Variants in ASB5 observed in about 807,000 individuals in gnomAD.
ASB5 encodes ankyrin repeat and SOCS box containing 5.
Under a neutral mutation model 42.1 loss-of-function variants are expected in ASB5, and 45 were observed. The observed-to-expected ratio is 1.07, with a 90% confidence interval of 0.84 to 1.37. ASB5 has a LOEUF of 1.37. ASB5 is among the 40% of genes most tolerant of loss of function. The probability of loss-of-function intolerance (pLI) is 0.00; values close to 1 mark genes in which losing one functional copy is unlikely to be tolerated. For missense variants in ASB5, 402 were observed against 399.8 expected, an observed-to-expected ratio of 1.01 and a Z score of -0.05; for synonymous variants, 147 against 150.6, an observed-to-expected ratio of 0.98 and a Z score of 0.18.
chr4:176,224,703 C>CAA (rs11325256), intron 2 of ASB5, among the ~76,000 whole-genome samples: 1 of 150,494 alleles, frequency 6.6e-6, no homozygotes, highest in East Asian at 1.9e-4. Flanking sequence ...TCAGAAGCTT[C>CAA]AAAAAAAAAA....
intron 1 of ASB5, among the ~76,000 whole-genome samples, chr4:176,255,954 A>G (rs1447426428): frequency 6.6e-6 from 1 of 152,252 alleles, no homozygotes; most frequent in African/African-American, 2.4e-5. Flanking sequence ...CTATAATCTC[A>G]GAGAACAAAA....
chr4:176,241,615 A>G lies in ASB5; in HGVS notation c.197-16274T>C, dbSNP rs995198669. The G allele has an allele frequency of 2.8e-6, 4 of 1,403,512 alleles. No homozygotes were observed. The African/African-American group carries it at 5.8e-5, about 21-fold the overall frequency. 86.9% of individuals were successfully genotyped at this position (1,403,512 alleles called of 1,614,324 possible). A position where few individuals can be genotyped will look rare whatever the true frequency, so the allele number is the denominator to read the frequency against. ...CTGAGCCCAGTTCTTGCTCCATTTT[A>G]TTTTTTATTCTACTTTACTTAAACA... On this transcript the variant is annotated intron_variant, in intron 1 of 6. Coordinates refer to ENST00000296525, the MANE Select transcript of ASB5 (RefSeq NM_080874.4).
intron 1 of ASB5, among the ~76,000 whole-genome samples, chr4:176,237,896 C>G (rs974387721): frequency 6.6e-6 from 1 of 152,096 alleles, no homozygotes; most frequent in Non-Finnish European, 1.5e-5. Flanking sequence ...ACTAGGTTAG[C>G]CTTTCTCCTT....
At chr4:176,239,114 G>A (rs112210348) in intron 1 of ASB5, among the ~76,000 whole-genome samples, 1 of 152,092 alleles carries the variant, frequency 6.6e-6, no homozygotes, top group Non-Finnish European at 1.5e-5. Flanking sequence ...TATTTGTATG[G>A]GTGGCACATT....
rs59394156 is a variant in ASB5, at chr4:176,231,843, T to TCAAAACAAAACAAAA, written c.197-6517_197-6503dup. ...TTGGGCAACAGAGTGAGACTCTGTCTCAAAACAAAACAAAACAAATAAACA... is the reference window on the plus strand; with the variant it reads ...TTGGGCAACAGAGTGAGACTCTGTCTCAAAACAAAACAAAACAAAACAAAACAAAACAAATAAACA... On this transcript the variant is annotated intron_variant, in intron 1 of 6. Transcript: ENST00000296525. Among the ~76,000 whole-genome samples, 179 of 148,482 alleles carry TCAAAACAAAACAAAA rather than the reference T, an allele frequency of 1.2e-3. 1 individual carries two copies. The highest frequency in any genetic ancestry group is 2.6e-3 in the South Asian group (12 of 4,630).
chr4:176,234,564 T>C (rs1753636612), intron 1 of ASB5, among the ~76,000 whole-genome samples: 1 of 152,204 alleles, frequency 6.6e-6, no homozygotes, highest in Admixed American at 6.5e-5. Flanking sequence ...TGCTAGACCT[T>C]AGAAAGCGAG....
At chr4:176,245,566 C>A (rs1020067819) in intron 1 of ASB5, among the ~76,000 whole-genome samples, 2 of 152,108 alleles carry the variant, frequency 1.3e-5, no homozygotes, top group Non-Finnish European at 2.9e-5. Flanking sequence ...CAAAGGATTA[C>A]AAATCATGCT....
chr4:176,238,658 T>A (rs1005278902), intron 1 of ASB5, among the ~76,000 whole-genome samples: 2 of 152,188 alleles, frequency 1.3e-5, no homozygotes, highest in African/African-American at 4.8e-5. Context: ...TCTATCTTTT[T>A]TTCATCAGTA....
At chr4:176,228,482 C>T (rs1405614867) in intron 1 of ASB5, among the ~76,000 whole-genome samples, 1 of 152,148 alleles carries the variant, frequency 6.6e-6, no homozygotes, top group Non-Finnish European at 1.5e-5. Context: ...CAAAAGAAGA[C>T]TAATGTATAC....
intron 1 of ASB5, among the ~76,000 whole-genome samples, chr4:176,252,848 A>G (rs1560818295): frequency 6.6e-6 from 1 of 152,260 alleles, no homozygotes; most frequent in South Asian, 2.1e-4. Flanking sequence ...AATAACCTTG[A>G]GCAAATGCCT....
At chr4:176,222,487 G>A (rs530757498) in intron 2 of ASB5, 67 bp from the exon 3 acceptor site, 25 of 1,315,658 alleles carry the variant, frequency 1.9e-5, no homozygotes, top group East Asian at 2.3e-5. Context: ...CTATATGGAT[G>A]TCACTAGAGA....
chr4:176,224,716 A>G (rs187371306), intron 2 of ASB5, among the ~76,000 whole-genome samples: 1 of 150,730 alleles, frequency 6.6e-6, no homozygotes, highest in East Asian at 1.9e-4. Context: ...AAAAAAAAAT[A>G]CCCAAGCCAA....
chr4:176,270,428 A>T (rs1553964245), upstream of ASB5, among the ~76,000 whole-genome samples: 2 of 152,168 alleles, frequency 1.3e-5, no homozygotes, highest in Non-Finnish European at 2.9e-5. Flanking sequence ...GACTGGACAG[A>T]TTTACCTGAC....
chr4:176,220,899 T>C (rs576728738), intron 5 of ASB5, among the ~76,000 whole-genome samples: 6 of 152,188 alleles, frequency 3.9e-5, no homozygotes, highest in South Asian at 4.1e-4. Flanking sequence ...AAATGTCTGC[T>C]AATGCAGTGC....
upstream of ASB5, among the ~76,000 whole-genome samples, chr4:176,269,959 C>T (rs191664776): frequency 1.3e-3 from 205 of 152,280 alleles, 1 homozygote; most frequent in Non-Finnish European, 2.0e-3. Context: ...AGTAAACATA[C>T]GCATTTCATC....
chr4:176,255,432 T>C (rs962309195), intron 1 of ASB5, among the ~76,000 whole-genome samples: 12 of 152,248 alleles, frequency 7.9e-5, no homozygotes, highest in African/African-American at 2.9e-4. Flanking sequence ...ACAGCACTAT[T>C]CACAAGAGTA....
chr4:176,221,722 A>T, intron 3 of ASB5, 122 bp from the exon 4 acceptor site: 1 of 926,218 alleles, frequency 1.1e-6, no homozygotes, highest in Non-Finnish European at 1.5e-6. Flanking sequence ...TGCACATTAA[A>T]TATGACAAAG....
Position 176,264,137 on chromosome 4 carries a change from G to A in ASB5, c.196+4776C>T, listed in dbSNP as rs80270965. Among the ~76,000 whole-genome samples the A allele has an allele frequency of 4.3e-3, 653 of 152,138 alleles. 3 individuals are homozygous for A. Among genetic ancestry groups the A allele is most frequent in the African/African-American group, 0.015 (614 of 41,516 alleles). ...TCTATATGATGATTCTACATACATTGTGTATTCTACATAAAATCTCAACCG... is the reference window on the plus strand; with the variant it reads ...TCTATATGATGATTCTACATACATTATGTATTCTACATAAAATCTCAACCG... On this transcript the variant is annotated intron_variant, in intron 1 of 6. Transcript: ENST00000296525.
intron 1 of ASB5, among the ~76,000 whole-genome samples, chr4:176,236,866 G>T (rs1385873637): frequency 6.6e-6 from 1 of 152,056 alleles, no homozygotes. Context: ...TATAATTAAT[G>T]ACTTCGTGTC....
Sources: gnomAD v4.1 joint callset for allele counts (sites outside exome capture counted in the v4.1 genomes callset) on GRCh38, gnomAD v4.1.1 for gene constraint, MANE v1.5 for transcripts, NCBI Gene and HGNC (gene_info 2026-07-23, HGNC 2026-07-21) for gene names.